GATB: variants seen among roughly 807,000 people sequenced by gnomAD.
GATB encodes the protein glutamyl-tRNA(Gln) amidotransferase subunit B, mitochondrial.
GATB carries 39 observed loss-of-function variants against 62.3 expected under a neutral mutation model. The ratio of observed to expected loss-of-function variants is 0.63; its 90% CI spans 0.48 to 0.82. The LOEUF (loss-of-function observed/expected upper bound fraction) is 0.82, where lower values mean the gene tolerates loss of function less well. GATB is among the 40% of genes least tolerant of loss of function. GATB has a pLI of 0.00. For missense variants in GATB, 670 were observed against 684.0 expected (o/e 0.98, Z 0.23); for synonymous variants, 276 against 258.9 (o/e 1.07, Z -0.63).
intron 7 of GATB, among the ~76,000 whole-genome samples, chr4:151,704,841 C>T (rs140491907): frequency 2.1e-3 from 307 of 148,562 alleles, no homozygotes; most frequent in Admixed American, 3.4e-3. Context: ...CGCCGCCTCC[C>T]GGGTTCATGC....
intron 11 of GATB, among the ~76,000 whole-genome samples, chr4:151,679,022 A>C (rs1738076478): frequency 6.6e-6 from 1 of 152,142 alleles, no homozygotes; most frequent in African/African-American, 2.4e-5. Flanking sequence ...CAGCCTCCCA[A>C]GTAGCTGGGA....
intron 9 of GATB, among the ~76,000 whole-genome samples, chr4:151,694,633 G>A (rs1345124651): frequency 1.3e-5 from 2 of 152,196 alleles, no homozygotes; most frequent in Non-Finnish European, 2.9e-5. Context: ...TGATGATGTT[G>A]ACCAAATAGA....
At chr4:151,692,807 T>C (rs1738392834) in intron 9 of GATB, among the ~76,000 whole-genome samples, 1 of 152,218 alleles carries the variant, frequency 6.6e-6, no homozygotes, top group Non-Finnish European at 1.5e-5. Context: ...ATTGAGCATA[T>C]TGTATTTTAT....
Position 151,760,874 on chromosome 4 carries a change from T to G in GATB, c.109A>C (p.Asn37His). ...ACTGAGCTCTCTCCCCTAATCTGGT[T>G]GGATGTGGACCCAGTCGGAGCCCCT... is the stretch of plus-strand genomic sequence containing the variant. Reference protein sequence around the residue: ...RRGAPTGSTSNQIRGESSVAQ... With the variant: ...RRGAPTGSTSHQIRGESSVAQ... Residue 37 changes from asparagine (N) to histidine (H), a missense_variant, in exon 1 of 13, where the codon AAC becomes CAC. Physicochemically the swap from Asn to His is moderately conservative, Grantham distance 68. Transcript: ENST00000263985. 1 of 1,613,988 alleles carries G rather than the reference T, an allele frequency of 6.2e-7. No individual in the cohort carries two copies. Among genetic ancestry groups the G allele is most frequent in the Non-Finnish European group, 8.5e-7 (1 of 1,179,934 alleles).
intron 9 of GATB, among the ~76,000 whole-genome samples, chr4:151,693,387 T>A (rs28574706): frequency 0.15 from 22,335 of 152,118 alleles, 1,943 homozygotes; most frequent in African/African-American, 0.25. Flanking sequence ...GCCGCTGCAA[T>A]AATCTTTCAG....
intron 8 of GATB, 27 bp from the exon 9 acceptor site, chr4:151,701,545 G>A (rs747858572): frequency 1.9e-5 from 27 of 1,412,006 alleles, no homozygotes; most frequent in Non-Finnish European, 2.5e-5. Context: ...GACGGGACCT[G>A]AATCTGGAGT....
chr4:151,713,020 C>T (rs1738848936), intron 5 of GATB, among the ~76,000 whole-genome samples: 1 of 152,144 alleles, frequency 6.6e-6, no homozygotes, highest in African/African-American at 2.4e-5. Context: ...CTGAGCTCCG[C>T]CTCCTGTCAG....
chr4:151,730,083 G>A lies in GATB; in HGVS notation c.328-10545C>T, dbSNP rs1187573176. ...CTGCCCTCTGCCTGGAAACAGACTCGGGGTGTGGTGGGAGTGAGACTGGCC... is the reference window on the plus strand; with the variant it reads ...CTGCCCTCTGCCTGGAAACAGACTCAGGGTGTGGTGGGAGTGAGACTGGCC... On this transcript the variant is annotated intron_variant, in intron 2 of 12. Transcript: ENST00000263985. This position sits in a 1 kb window ranked among gnomAD's most constrained non-coding sequence, Gnocchi z 4.1. Among the ~76,000 whole-genome samples the A allele has an allele frequency of 1.3e-5, 2 of 152,146 alleles. No homozygotes were observed. The highest frequency in any genetic ancestry group is 3.9e-4 in the East Asian group (2 of 5,188).
chr4:151,748,055 G>A (rs1023879437), intron 2 of GATB, among the ~76,000 whole-genome samples: 1 of 152,190 alleles, frequency 6.6e-6, no homozygotes, highest in South Asian at 2.1e-4. Context: ...TCATGGATAG[G>A]AAGAATCAAT....
chr4:151,744,580 T>C (rs1739559297), intron 2 of GATB, among the ~76,000 whole-genome samples: 1 of 151,966 alleles, frequency 6.6e-6, no homozygotes, highest in Non-Finnish European at 1.5e-5. Flanking sequence ...TGGGGCCCTG[T>C]CTCTAAAAAA....
At chr4:151,680,898 T>C (rs773102227) in intron 10 of GATB, among the ~76,000 whole-genome samples, 9 of 152,188 alleles carry the variant, frequency 5.9e-5, no homozygotes, top group Non-Finnish European at 1.2e-4. Context: ...GATTTCCAGG[T>C]TAGGGATACT....
chr4:151,726,973 G>GT, intron 2 of GATB, among the ~76,000 whole-genome samples: 1 of 152,148 alleles, frequency 6.6e-6, no homozygotes, highest in African/African-American at 2.4e-5. Context: ...TTGGAGTGCA[G>GT]TGGCCCGATC....
chr4:151,741,061 G>C (rs1739475218), intron 2 of GATB, among the ~76,000 whole-genome samples: 1 of 152,100 alleles, frequency 6.6e-6, no homozygotes, highest in Non-Finnish European at 1.5e-5. Flanking sequence ...TTATCCATGA[G>C]GGATAGGTTC....
At chr4:151,714,309 T>C (rs1398333184) in intron 5 of GATB, among the ~76,000 whole-genome samples, 2 of 152,140 alleles carry the variant, frequency 1.3e-5, no homozygotes, top group African/African-American at 4.8e-5. Flanking sequence ...CCTCAGCTCC[T>C]AAGCTGCAGG....
At chr4:151,676,722 C>T (rs1738014963) in intron 11 of GATB, among the ~76,000 whole-genome samples, 1 of 152,164 alleles carries the variant, frequency 6.6e-6, no homozygotes, top group African/African-American at 2.4e-5. Context: ...GAGATAACTG[C>T]TCATGATGAT....
At chr4:151,671,768 T>C (rs537372189) in intron 12 of GATB, among the ~76,000 whole-genome samples, 12 of 152,290 alleles carry the variant, frequency 7.9e-5, no homozygotes, top group South Asian at 2.1e-4. Context: ...AAAGCAGATC[T>C]ACACACTGGC....
intron 2 of GATB, chr4:151,721,408 G>A (rs947443964): frequency 1.3e-5 from 2 of 152,172 alleles, no homozygotes; most frequent in Admixed American, 1.3e-4. Flanking sequence ...CAGCAATAAA[G>A]GTTTTCAAGA....
At chr4:151,676,103 G>A (rs1310832546) in intron 11 of GATB, 10 of 152,194 alleles carry the variant, frequency 6.6e-5, no homozygotes, top group Non-Finnish European at 1.3e-4. Context: ...TATTGTGAAA[G>A]GTTACTTTTC....
At chr4:151,692,440 G>C (rs529427422) in intron 9 of GATB, among the ~76,000 whole-genome samples, 18 of 152,326 alleles carry the variant, frequency 1.2e-4, no homozygotes, top group African/African-American at 4.3e-4. Context: ...CTGTTCAAAG[G>C]TTCTTAACAT....
Sources: allele counts gnomAD v4.1 joint callset (sites outside exome capture counted in the v4.1 genomes callset), GRCh38; gene constraint gnomAD v4.1.1; non-coding constraint Gnocchi (gnomAD v3.1); transcripts MANE v1.5; gene names NCBI Gene and HGNC (gene_info 2026-07-23, HGNC 2026-07-21).